NUTM2B: variants seen among roughly 807,000 people sequenced by gnomAD.
The protein encoded by NUTM2B is family with sequence similarity 22, member B.
Under a neutral mutation model 42.4 loss-of-function variants are expected in NUTM2B, and 2 were observed. The ratio of observed to expected loss-of-function variants is 0.05; its 90% CI spans 0.02 to 0.15. The LOEUF is 0.15. NUTM2B is among the 10% of genes least tolerant of loss of function. The pLI is 1.00. For synonymous variants in NUTM2B, 18 were observed against 402.4 expected, an observed-to-expected ratio of 0.04 and a Z score of 11.43; for missense variants, 58 against 952.6, an observed-to-expected ratio of 0.06 and a Z score of 12.36.
At chr10:79,705,736 T>C (rs1186083915) in intron 1 of NUTM2B, among the ~76,000 whole-genome samples, 1 of 147,346 alleles carries the variant, frequency 6.8e-6, no homozygotes, top group Non-Finnish European at 1.5e-5. Context: ...GACCCATGGC[T>C]TGGGAGATGC....
chr10:79,698,163 T>TCCA, the NUTM2B span, among the ~76,000 whole-genome samples: 4 of 95,592 alleles, frequency 4.2e-5, no homozygotes, highest in African/African-American at 1.6e-4. Context: ...ACCCATACAA[T>TCCA]ACAAAAAAAA....
chr10:79,700,426 T>G (rs1840293540), upstream of NUTM2B, among the ~76,000 whole-genome samples: 1 of 152,232 alleles, frequency 6.6e-6, no homozygotes, highest in Non-Finnish European at 1.5e-5. Flanking sequence ...CCCACTGCAT[T>G]GTTACACCTC....
the NUTM2B span, among the ~76,000 whole-genome samples, chr10:79,696,126 C>T: frequency 6.7e-5 from 10 of 148,224 alleles, no homozygotes; most frequent in Non-Finnish European, 1.3e-4. Context: ...CAAACATTTG[C>T]TTACAGATCC....
At chr10:79,711,090 G>A (rs1312744169) in intron 5 of NUTM2B, among the ~76,000 whole-genome samples, 160 bp from the exon 6 acceptor site, 59 of 125,966 alleles carry the variant, frequency 4.7e-4, no homozygotes, top group Non-Finnish European at 4.3e-4. Context: ...TAGCTACCAG[G>A]TCTGTGGTCT....
intron 1 of NUTM2B, among the ~76,000 whole-genome samples, chr10:79,705,594 G>A (rs1464812052): frequency 1.3e-5 from 2 of 149,814 alleles, no homozygotes; most frequent in African/African-American, 2.5e-5. Context: ...TTGAAGAGGA[G>A]ATGGGGCCAT....
At chr10:79,709,359 G>A (rs1184617692) in intron 3 of NUTM2B, among the ~76,000 whole-genome samples, 1 of 136,182 alleles carries the variant, frequency 7.3e-6, no homozygotes, top group Non-Finnish European at 1.6e-5. Context: ...AAGGGGCCCT[G>A]TCCTCTGAGC....
exon 7 of NUTM2B, chr10:79,712,275 C>T: frequency 6.4e-7 from 1 of 1,560,130 alleles, no homozygotes. Context: ...GAGGCCTCAA[C>T]CTAGCACCTT....
the NUTM2B span, among the ~76,000 whole-genome samples, chr10:79,692,530 G>A: frequency 6.6e-6 from 1 of 152,174 alleles, no homozygotes; most frequent in Non-Finnish European, 1.5e-5. Context: ...CTGGGGGAGT[G>A]CTGAGTGCAG....
upstream of NUTM2B, among the ~76,000 whole-genome samples, chr10:79,701,436 G>A (rs1840312753): frequency 6.6e-6 from 1 of 152,046 alleles, no homozygotes; most frequent in Admixed American, 6.6e-5. Context: ...GCAACTCACT[G>A]ACTTCAGTTT....
chr10:79,699,739 G>A (rs1255036834), upstream of NUTM2B, among the ~76,000 whole-genome samples: 8 of 152,092 alleles, frequency 5.3e-5, no homozygotes, highest in African/African-American at 9.7e-5. Flanking sequence ...CACCGTGCCC[G>A]GCCCAGTTAT....
rs1840455132 is a variant in NUTM2B at position 79,709,720 on chromosome 10, C to T, written c.1212-80C>T. 1.3e-5 allele frequency: 7 copies of T among 519,964 alleles called. 1 individual carries two copies. The South Asian group carries it at 1.9e-4, about 14-fold the overall frequency. The allele number at this position is 519,964 out of a possible 1,614,324, so 32.2% of individuals were successfully genotyped here. On this transcript the variant is annotated intron_variant, in intron 3 of 6. Transcript: ENST00000429828. ...CCCACCCGAGGCACTCCCTCCTATC[C>T]CTGCCCTCGGCCGCTGCCTGGTCCT...
At chr10:79,693,650 C>T in the NUTM2B span, among the ~76,000 whole-genome samples, 2 of 152,216 alleles carry the variant, frequency 1.3e-5, no homozygotes, top group Non-Finnish European at 2.9e-5. Context: ...GGATCCATGA[C>T]TACCCATTTC....
chr10:79,700,056 C>A (rs1840284428), upstream of NUTM2B, among the ~76,000 whole-genome samples: 1 of 152,112 alleles, frequency 6.6e-6, no homozygotes, highest in Admixed American at 6.5e-5. Flanking sequence ...TATGTAAATC[C>A]CACATAAGTA....
the NUTM2B span, among the ~76,000 whole-genome samples, chr10:79,695,042 C>A: frequency 6.6e-6 from 1 of 152,192 alleles, no homozygotes; most frequent in East Asian, 1.9e-4. Context: ...TGGCTTCTGC[C>A]CCAGGACCTG....
upstream of NUTM2B, among the ~76,000 whole-genome samples, chr10:79,702,637 T>C (rs1459256962): frequency 1.3e-5 from 2 of 150,686 alleles, no homozygotes; most frequent in African/African-American, 5.0e-5. Flanking sequence ...CCGGTCTGGC[T>C]GAAGGCCTCT....
At chr10:79,699,577 G>C (rs1368115392), upstream of NUTM2B, among the ~76,000 whole-genome samples, 1 of 152,182 alleles carries the variant, frequency 6.6e-6, no homozygotes, top group African/African-American at 2.4e-5. Context: ...CGAGTAGCTG[G>C]GACTACAGGC....
At chr10:79,699,528 C>T (rs1297592591), upstream of NUTM2B, among the ~76,000 whole-genome samples, 3 of 152,314 alleles carry the variant, frequency 2.0e-5, no homozygotes, top group Non-Finnish European at 4.4e-5. Flanking sequence ...TTGCAAACTC[C>T]GCCTCTTGGG....
intron 1 of NUTM2B, among the ~76,000 whole-genome samples, chr10:79,705,091 G>C (rs1183044772): frequency 3.1e-5 from 4 of 130,518 alleles, no homozygotes; most frequent in South Asian, 2.8e-4. Context: ...AGAACCCCTG[G>C]TTTTTGGTTG....
intron 2 of NUTM2B, among the ~76,000 whole-genome samples, chr10:79,707,289 A>G (rs558179267): frequency 9.9e-5 from 13 of 131,036 alleles, no homozygotes; most frequent in Admixed American, 8.8e-4. Flanking sequence ...TTCACCCTCA[A>G]TCCCTCCTAG....
Sources: gnomAD v4.1 joint callset for allele counts (sites outside exome capture counted in the v4.1 genomes callset) on GRCh38, gnomAD v4.1.1 for gene constraint, MANE v1.5 for transcripts, NCBI Gene and HGNC (gene_info 2026-07-23, HGNC 2026-07-21) for gene names.